Variants in CNTNAP3 observed in about 807,000 individuals in gnomAD.
CNTNAP3 encodes the protein contactin-associated protein-like 3.
In CNTNAP3, 36 loss-of-function variants were observed where a neutral mutation model predicts 92.1. The ratio of observed to expected loss-of-function variants is 0.39; its 90% CI spans 0.30 to 0.52. The LOEUF is 0.52. Ranked by LOEUF, CNTNAP3 falls within the 20% of genes least tolerant of loss-of-function variation. CNTNAP3 has a pLI of 0.76. For synonymous variants in CNTNAP3, 232 were observed against 422.3 expected, an observed-to-expected ratio of 0.55 and a Z score of 5.53; for missense variants, 534 against 1,069.6, an observed-to-expected ratio of 0.50 and a Z score of 6.98.
At chr9:39,114,176 A>T (rs1295111424) in intron 14 of CNTNAP3, among the ~76,000 whole-genome samples, 1 of 145,906 alleles carries the variant, frequency 6.9e-6, no homozygotes, top group Non-Finnish European at 1.5e-5. Flanking sequence ...TCTGCCTTCC[A>T]GCTTCACGCC....
chr9:39,116,557 C>T (rs1271953631), intron 14 of CNTNAP3, among the ~76,000 whole-genome samples: 1 of 152,222 alleles, frequency 6.6e-6, no homozygotes, highest in Non-Finnish European at 1.5e-5. Context: ...AGACCTGAAA[C>T]TTACTGGTGG....
At position 39,149,856 on chromosome 9, in the gene CNTNAP3, C is replaced by T. The variant is rs201862102; in HGVS notation, c.1599G>A (p.Ala533=). The change falls in exon 10 of 24, where the codon GCG becomes GCA. Residue 533 remains alanine (A), a synonymous_variant. Transcript: ENST00000297668. The part of the protein sequence containing the change: ...AVDPILVQQG[A]LGSFRDLQID... Reference sequence around the variant, plus strand: ...TCTGGAGGTCCCTGAAACTCCCCAGCGCCCCCTGCTGTACTAAGATGGGAT... The same window carrying T: ...TCTGGAGGTCCCTGAAACTCCCCAGTGCCCCCTGCTGTACTAAGATGGGAT... The T allele has an allele frequency of 1.3e-6, 2 of 1,535,734 alleles. No individual in the cohort carries two copies. Among genetic ancestry groups the T allele is most frequent in the East Asian group, 2.2e-5 (1 of 44,712 alleles).
intron 10 of CNTNAP3, among the ~76,000 whole-genome samples, chr9:39,147,300 T>G (rs1821726771): frequency 6.7e-6 from 1 of 149,446 alleles, no homozygotes; most frequent in African/African-American, 2.5e-5. Flanking sequence ...AAAGAAAGGC[T>G]GACATGCTTA....
intron 11 of CNTNAP3, among the ~76,000 whole-genome samples, chr9:39,142,869 G>C (rs1281190886): frequency 6.6e-6 from 1 of 152,010 alleles, no homozygotes; most frequent in African/African-American, 2.4e-5. Context: ...ACACTCCACA[G>C]CCTGCCTTTC....
At chr9:39,136,980 T>A (rs529668165) in intron 12 of CNTNAP3, among the ~76,000 whole-genome samples, 2 of 152,266 alleles carry the variant, frequency 1.3e-5, no homozygotes, top group Non-Finnish European at 2.9e-5. Flanking sequence ...GCATTTCTCC[T>A]TCTTTGGTGT....
chr9:39,132,896 C>T (rs765256460), intron 13 of CNTNAP3, 36 bp downstream of exon 13: 55 of 1,518,836 alleles, frequency 3.6e-5, no homozygotes, highest in African/African-American at 1.8e-4. Context: ...CGCCCCGGCC[C>T]CGTGAACCCC....
At chr9:39,105,613 A>C (rs1826585354) in intron 15 of CNTNAP3, among the ~76,000 whole-genome samples, 1 of 152,070 alleles carries the variant, frequency 6.6e-6, no homozygotes, top group Non-Finnish European at 1.5e-5. Flanking sequence ...CTTTAAGCTG[A>C]CACCCATGCC....
In CNTNAP3 at chr9:39,125,307, A is replaced by G. The variant is rs1821129643; in HGVS notation, c.2081-7048T>C. On this transcript the variant is annotated intron_variant, in intron 13 of 23. Coordinates refer to ENST00000297668, the MANE Select transcript of CNTNAP3 (RefSeq NM_033655.5). The stretch of plus-strand genomic sequence containing the variant: ...CTCACTCATAGGTGGGAATTGAACA[A>G]TGAGAACACTTGGACACAGGAAGGG... Among the ~76,000 whole-genome samples, 4 of 152,034 alleles carry G rather than the reference A, an allele frequency of 2.6e-5. No homozygotes were observed. The South Asian group carries it at 6.2e-4, about 24-fold the overall frequency.
chr9:39,087,832 C>T (rs1826098508), intron 19 of CNTNAP3, among the ~76,000 whole-genome samples: 1 of 152,114 alleles, frequency 6.6e-6, no homozygotes, highest in South Asian at 2.1e-4. Context: ...AATTTTTGTG[C>T]TGTGTACCTA....
Position 39,071,069 on chromosome 9 carries a change from C to A in CNTNAP3, c.*2821G>T, listed in dbSNP as rs1825626628. ...TACTTGAAGAGATTAGCTCTTACAA[C>A]CTTATCTTTGTCTCATCTATAAAAC... On this transcript the variant is annotated 3_prime_UTR_variant, in exon 24 of 24. Transcript: ENST00000297668. Among the ~76,000 whole-genome samples the A allele has an allele frequency of 6.6e-6, 1 of 152,202 alleles. No homozygotes were observed. Among genetic ancestry groups the A allele is most frequent in the African/African-American group, 2.4e-5 (1 of 41,472 alleles).
At chr9:39,165,349 TTAA>T (rs1822152882) in intron 9 of CNTNAP3, among the ~76,000 whole-genome samples, 1 of 67,570 alleles carries the variant, frequency 1.5e-5, no homozygotes, top group Admixed American at 1.6e-4. Flanking sequence ...CTCCTATTAA[TTAA>T]TATTTGTTTA....
At position 39,067,729 on chromosome 9, in the gene CNTNAP3, A is replaced by T. The variant is rs1343536303; in HGVS notation, c.*6161T>A. Among the ~76,000 whole-genome samples, 1 of 152,308 alleles carries T rather than the reference A, an allele frequency of 6.6e-6. No individual in the cohort carries two copies. Among genetic ancestry groups the T allele is most frequent in the Non-Finnish European group, 1.5e-5 (1 of 68,054 alleles). On this transcript the variant is annotated 3_prime_UTR_variant, in exon 24 of 24. Coordinates refer to ENST00000297668, the MANE Select transcript of CNTNAP3 (RefSeq NM_033655.5). Reference sequence around the variant, plus strand: ...GATAGTTTTATGTTACTGGAAATACATGTGAACTTTGCTCAGAGATGCCAA... The same window carrying T: ...GATAGTTTTATGTTACTGGAAATACTTGTGAACTTTGCTCAGAGATGCCAA...
intron 18 of CNTNAP3, among the ~76,000 whole-genome samples, chr9:39,098,831 A>G (rs1826385555): frequency 6.6e-6 from 1 of 152,192 alleles, no homozygotes; most frequent in Admixed American, 6.5e-5. Context: ...TAGTAAGTGT[A>G]ACAGCCCAGA....
At chr9:39,099,848 C>T in intron 18 of CNTNAP3, 63 bp downstream of exon 18, 1 of 1,572,498 alleles carries the variant, frequency 6.4e-7, no homozygotes, top group Admixed American at 1.8e-5. Context: ...ATGCCAGAAG[C>T]ATTCTTCATG....
intron 23 of CNTNAP3, among the ~76,000 whole-genome samples, chr9:39,075,841 T>C (rs1232723411): frequency 6.6e-6 from 1 of 152,312 alleles, no homozygotes; most frequent in African/African-American, 2.4e-5. Flanking sequence ...CTGCATGCCT[T>C]AGTAAACTTG....
chr9:39,120,878 T>TA (rs1821003714), intron 13 of CNTNAP3, among the ~76,000 whole-genome samples: 1 of 152,054 alleles, frequency 6.6e-6, no homozygotes, highest in African/African-American at 2.4e-5. Flanking sequence ...ATTTTTGAAA[T>TA]GACATATGAT....
chr9:39,086,147 T>A, intron 20 of CNTNAP3: 1 of 424,124 alleles, frequency 2.4e-6, no homozygotes, highest in Non-Finnish European at 4.3e-6. Flanking sequence ...ATGTACTCAT[T>A]CTGTGGAGAA....
chr9:39,125,179 T>C (rs1821127110), intron 13 of CNTNAP3, among the ~76,000 whole-genome samples: 2 of 151,910 alleles, frequency 1.3e-5, no homozygotes, highest in Non-Finnish European at 2.9e-5. Flanking sequence ...TATGCAGCCA[T>C]GAAAAAGGAT....
intron 23 of CNTNAP3, among the ~76,000 whole-genome samples, chr9:39,077,983 A>T (rs1825823360): frequency 6.6e-6 from 1 of 152,162 alleles, no homozygotes; most frequent in Non-Finnish European, 1.5e-5. Flanking sequence ...AGGCGGGCAG[A>T]TCACTTGAGG....
Sources: allele counts gnomAD v4.1 joint callset (sites outside exome capture counted in the v4.1 genomes callset), GRCh38; gene constraint gnomAD v4.1.1; transcripts MANE v1.5; gene names NCBI Gene and HGNC (gene_info 2026-07-23, HGNC 2026-07-21).